Variants in MYO3B observed in about 807,000 individuals in gnomAD.
MYO3B encodes myosin-IIIb.
Under a neutral mutation model 174.6 loss-of-function variants are expected in MYO3B, and 156 were observed. The ratio of observed to expected loss-of-function variants is 0.89; its 90% CI spans 0.78 to 1.02. The LOEUF is 1.02. Ranked by LOEUF, MYO3B falls within the 50% of genes least tolerant of loss-of-function variation. The pLI, the probability that MYO3B is intolerant of heterozygous loss-of-function variation, is 0.00. For synonymous variants in MYO3B, 563 were observed against 569.1 expected (o/e 0.99, Z 0.15); for missense variants, 1,632 against 1,639.4 (o/e 1.00, Z 0.08).
rs1216401218 is a variant in MYO3B at position 170,379,899 on chromosome 2, TTAA to T, written c.972-2114_972-2112del. Reference sequence around the variant, plus strand: ...TGGAGATTGAAAGGTAAGATTTAACTTAATAGGCTAGAAAGAGAGAAATCCATT... The same window carrying T: ...TGGAGATTGAAAGGTAAGATTTAACTTAGGCTAGAAAGAGAGAAATCCATT... On this transcript the variant is annotated intron_variant, in intron 9 of 34. Transcript: ENST00000408978. Among the ~76,000 whole-genome samples the T allele has an allele frequency of 2.0e-5, 3 of 152,354 alleles. No individual in the cohort carries two copies. In the East Asian group the frequency reaches 5.8e-4, roughly 29 times the overall value.
chr2:170,518,423 A>G (rs892916822), intron 29 of MYO3B, among the ~76,000 whole-genome samples: 4 of 152,144 alleles, frequency 2.6e-5, no homozygotes, highest in African/African-American at 9.7e-5. Flanking sequence ...TCTCCTTCCA[A>G]CCCTAACTGA....
intron 3 of MYO3B, among the ~76,000 whole-genome samples, chr2:170,203,090 A>G (rs180902633): frequency 8.5e-5 from 13 of 152,326 alleles, no homozygotes; most frequent in African/African-American, 2.9e-4. Context: ...CACACACATA[A>G]TAGTGTTTTG....
At chr2:170,498,748 G>T (rs202221648) in intron 26 of MYO3B, 45 bp downstream of exon 26, 401 of 1,315,238 alleles carry the variant, frequency 3.0e-4, no homozygotes, top group Admixed American at 1.0e-3. Context: ...TGATTTCTTT[G>T]TCTCTTGTCA....
intron 32 of MYO3B, chr2:170,647,934 T>C (rs1698500763): frequency 6.6e-6 from 1 of 152,170 alleles, no homozygotes; most frequent in Non-Finnish European, 1.5e-5. Flanking sequence ...CAAAAACTTC[T>C]TAAGATCAGT....
intron 22 of MYO3B, among the ~76,000 whole-genome samples, chr2:170,437,953 A>G (rs1402530518): frequency 7.0e-6 from 1 of 143,110 alleles, no homozygotes; most frequent in South Asian, 2.1e-4. Context: ...AAAAATATAT[A>G]TAACATGAAA....
At chr2:170,220,772 T>C (rs1292787352) in intron 6 of MYO3B, among the ~76,000 whole-genome samples, 1 of 152,092 alleles carries the variant, frequency 6.6e-6, no homozygotes, top group Non-Finnish European at 1.5e-5. Context: ...AGTGGATCAA[T>C]TGAAAAGTAA....
At chr2:170,390,626 T>C (rs2094405275) in intron 14 of MYO3B, among the ~76,000 whole-genome samples, 1 of 152,140 alleles carries the variant, frequency 6.6e-6, no homozygotes, top group Admixed American at 6.5e-5. Flanking sequence ...AGAAAGACGA[T>C]TTCTTTTCAT....
chr2:170,213,302 C>T (rs942049498), intron 3 of MYO3B, among the ~76,000 whole-genome samples: 1 of 152,158 alleles, frequency 6.6e-6, no homozygotes, highest in African/African-American at 2.4e-5. Flanking sequence ...CAATTCCTGT[C>T]CCTTTTAAGG....
intron 32 of MYO3B, among the ~76,000 whole-genome samples, chr2:170,631,732 A>G (rs1404244489): frequency 2.6e-5 from 4 of 152,150 alleles, no homozygotes; most frequent in Admixed American, 1.3e-4. Context: ...AAGCCAGAAG[A>G]GAGTGGGGGC....
chr2:170,292,729 G>A (rs1559364779), intron 7 of MYO3B, among the ~76,000 whole-genome samples: 1 of 151,978 alleles, frequency 6.6e-6, no homozygotes. Context: ...GCTGGGTAGG[G>A]GTTCATGTTC....
chr2:170,543,043 G>C, intron 31 of MYO3B, 77 bp downstream of exon 31: 1 of 1,220,540 alleles, frequency 8.2e-7, no homozygotes. Context: ...CATGAAGCTT[G>C]TCTGCGGCTG....
chr2:170,202,600 C>A (rs966242620), intron 3 of MYO3B, among the ~76,000 whole-genome samples: 1 of 152,166 alleles, frequency 6.6e-6, no homozygotes, highest in Non-Finnish European at 1.5e-5. Flanking sequence ...TTTTCTTTCA[C>A]CATGTGCAGC....
chr2:170,609,348 T>C (rs1443544127), intron 32 of MYO3B, among the ~76,000 whole-genome samples: 1 of 152,154 alleles, frequency 6.6e-6, no homozygotes, highest in Non-Finnish European at 1.5e-5. Context: ...AGGTATTCCT[T>C]CAGGAATCGC....
intron 26 of MYO3B, among the ~76,000 whole-genome samples, 169 bp from the exon 27 acceptor site, chr2:170,499,477 A>G (rs550103215): frequency 2.0e-5 from 3 of 152,302 alleles, no homozygotes; most frequent in Non-Finnish European, 4.4e-5. Context: ...TCAATCTTAG[A>G]AGGAGAATTG....
chr2:170,490,657 T>C (rs1686411188), intron 25 of MYO3B, among the ~76,000 whole-genome samples: 1 of 152,184 alleles, frequency 6.6e-6, no homozygotes, highest in South Asian at 2.1e-4. Flanking sequence ...CCATTAAATA[T>C]GGTGTTAGCT....
At chr2:170,369,198 T>C (rs778352598) in intron 8 of MYO3B, 24 bp from the exon 9 acceptor site, 1 of 1,607,446 alleles carries the variant, frequency 6.2e-7, no homozygotes, top group Non-Finnish European at 8.5e-7. Context: ...GTACTTTGGA[T>C]TGTTTGTTGG....
At chr2:170,516,954 C>CT (rs1194957119) in intron 29 of MYO3B, among the ~76,000 whole-genome samples, 1 of 152,070 alleles carries the variant, frequency 6.6e-6, no homozygotes, top group East Asian at 1.9e-4. Context: ...CCTTCTCTCT[C>CT]TTTTTTTTCC....
In MYO3B at chr2:170,374,758, T is replaced by TACACACAC. The variant is rs201921789; in HGVS notation, c.971+5416_971+5423dup. Among the ~76,000 whole-genome samples the TACACACAC allele has an allele frequency of 9.0e-3, 1,254 of 140,000 alleles. 12 individuals carry two copies. The highest frequency in any genetic ancestry group is 0.016 in the African/African-American group (569 of 35,650). 91.8% of individuals were successfully genotyped at this position (140,000 alleles called of 152,430 possible). On this transcript the variant is annotated intron_variant, in intron 9 of 34. Coordinates refer to ENST00000408978, the MANE Select transcript of MYO3B (RefSeq NM_138995.5). ...CTCTCTATATATATATATGCATACATACACACACACACACACACACACACA... is the reference window on the plus strand; with the variant it reads ...CTCTCTATATATATATATGCATACATACACACACACACACACACACACACACACACACA...
intron 23 of MYO3B, among the ~76,000 whole-genome samples, chr2:170,450,409 G>C (rs972646772): frequency 2.6e-5 from 4 of 152,042 alleles, no homozygotes; most frequent in Non-Finnish European, 4.4e-5. Context: ...AGAATCCCAG[G>C]TCACCGTAAG....
Sources: allele counts gnomAD v4.1 joint callset (sites outside exome capture counted in the v4.1 genomes callset), GRCh38; gene constraint gnomAD v4.1.1; transcripts MANE v1.5; gene names NCBI Gene and HGNC (gene_info 2026-07-23, HGNC 2026-07-21).